STK10: variants seen among roughly 807,000 people sequenced by gnomAD.
The protein encoded by STK10 is serine/threonine-protein kinase 10.
A neutral mutation model predicts 113.8 loss-of-function variants in STK10; 78 were observed. That is an observed-to-expected ratio of 0.69 (90% CI 0.57 to 0.83). The LOEUF is 0.83. Among genes scored for constraint, STK10 ranks in the 40% least tolerant of loss-of-function variants. The probability of loss-of-function intolerance (pLI) is 0.00; values close to 1 mark genes in which losing one functional copy is unlikely to be tolerated. For synonymous variants in STK10, 465 were observed against 494.7 expected, an observed-to-expected ratio of 0.94 and a Z score of 0.80; for missense variants, 1,109 against 1,280.1, an observed-to-expected ratio of 0.87 and a Z score of 2.04.
chr5:172,159,797 T>G (rs13167250), intron 1 of STK10, among the ~76,000 whole-genome samples: 35,400 of 150,504 alleles, frequency 0.24, 4,440 homozygotes, highest in East Asian at 0.32. Flanking sequence ...CATCCCAGAC[T>G]AGAAAACAAA....
chr5:172,171,669 C>T (rs535540823), intron 1 of STK10, among the ~76,000 whole-genome samples: 6 of 140,126 alleles, frequency 4.3e-5, no homozygotes, highest in East Asian at 2.0e-4. Context: ...AAGCCAAGAT[C>T]GCGTTACTGC....
chr5:172,086,174 A>G (rs1402927851), intron 10 of STK10, among the ~76,000 whole-genome samples: 2 of 152,184 alleles, frequency 1.3e-5, no homozygotes, highest in African/African-American at 4.8e-5. Context: ...TAAAGTGCCC[A>G]CGTGGCACAT....
chr5:172,055,830 G>A (rs567598583), intron 15 of STK10, 54 bp from the exon 16 acceptor site: 94 of 1,371,600 alleles, frequency 6.9e-5, no homozygotes, highest in Non-Finnish European at 7.1e-5. Context: ...GACTCAGAGC[G>A]TGGTCACAGG....
At chr5:172,099,805 C>T (rs1768941903) in intron 7 of STK10, among the ~76,000 whole-genome samples, 1 of 152,250 alleles carries the variant, frequency 6.6e-6, no homozygotes, top group South Asian at 2.1e-4. Flanking sequence ...AATAAATAAA[C>T]ACAGGCAGGG....
Position 172,044,842 on chromosome 5 carries a change from T to C in STK10, c.*40A>G. On this transcript the variant is annotated 3_prime_UTR_variant, in exon 19 of 19. Transcript: ENST00000176763. This position sits in a 1 kb window ranked among gnomAD's most constrained non-coding sequence, Gnocchi z 4.5. ...TCACAGAGAATGAAGGAGAAGGCCCTGGGGCCCACCAAGCTGCCAGCCACA... is the reference window on the plus strand; with the variant it reads ...TCACAGAGAATGAAGGAGAAGGCCCCGGGGCCCACCAAGCTGCCAGCCACA... 6.2e-7 allele frequency: 1 copy of C among 1,613,840 alleles called. No homozygotes were observed. Among genetic ancestry groups the C allele is most frequent in the South Asian group, 1.1e-5 (1 of 91,076 alleles).
At chr5:172,170,001 T>C (rs550617090) in intron 1 of STK10, among the ~76,000 whole-genome samples, 3 of 152,312 alleles carry the variant, frequency 2.0e-5, no homozygotes, top group South Asian at 2.1e-4. Context: ...CAGTTGACTA[T>C]TGGTTGTTAC....
At chr5:172,135,776 C>T (rs923266464) in intron 2 of STK10, among the ~76,000 whole-genome samples, 6 of 152,178 alleles carry the variant, frequency 3.9e-5, no homozygotes, top group Non-Finnish European at 8.8e-5. Context: ...CGTTGGCTCA[C>T]GCCTATAATC....
At position 172,185,233 on chromosome 5, in the gene STK10, C is replaced by A. The variant is rs55701049; in HGVS notation, c.156+2654G>T. On this transcript the variant is annotated intron_variant, in intron 1 of 18. Coordinates refer to ENST00000176763, the MANE Select transcript of STK10 (RefSeq NM_005990.4). ...AAGGGGACAAGAATGCAATTGAAAG[C>A]CCCTAACGGAGAAAAAAAAAAGCCC... Among the ~76,000 whole-genome samples, 1,294 of 152,014 alleles carry A rather than the reference C, an allele frequency of 8.5e-3. 9 individuals are homozygous for A. The highest frequency in any genetic ancestry group is 0.014 in the Non-Finnish European group (921 of 67,974).
intron 2 of STK10, among the ~76,000 whole-genome samples, chr5:172,151,020 C>G (rs1770217542): frequency 6.6e-6 from 1 of 152,222 alleles, no homozygotes; most frequent in Non-Finnish European, 1.5e-5. Flanking sequence ...TGCATATCTA[C>G]CATGGACAGA....
At chr5:172,101,465 G>A (rs958941248) in intron 7 of STK10, among the ~76,000 whole-genome samples, 15 of 137,280 alleles carry the variant, frequency 1.1e-4, no homozygotes, top group African/African-American at 3.9e-4. Context: ...GCGAGACTCC[G>A]TCTCCAAAAA....
chr5:172,053,686 C>G (rs1371655956), intron 17 of STK10, among the ~76,000 whole-genome samples: 1 of 152,218 alleles, frequency 6.6e-6, no homozygotes, highest in Non-Finnish European at 1.5e-5. Context: ...GGGGGAAGTG[C>G]CTTTATCCAG....
Position 172,106,963 on chromosome 5 carries a change from T to A in STK10, c.594-149A>T. The A allele has an allele frequency of 7.1e-6, 5 of 707,872 alleles. No individual in the cohort carries two copies. In the South Asian group the frequency reaches 1.0e-4, roughly 15 times the overall value. 43.8% of individuals were successfully genotyped at this position (707,872 alleles called of 1,614,324 possible). A position where few individuals can be genotyped will look rare whatever the true frequency, so the allele number is the denominator to read the frequency against. On this transcript the variant is annotated intron_variant, in intron 5 of 18. Coordinates refer to ENST00000176763, the MANE Select transcript of STK10 (RefSeq NM_005990.4). The stretch of plus-strand genomic sequence containing the variant: ...TGCGTGACTTTGCATCCCACTGTCT[T>A]CCTTAGGACGCTCTTCCACAGAAAA...
At chr5:172,051,534 A>G (rs1581130150) in intron 18 of STK10, among the ~76,000 whole-genome samples, 1 of 152,214 alleles carries the variant, frequency 6.6e-6, no homozygotes, top group African/African-American at 2.4e-5. Context: ...TTGAGGCAGG[A>G]AAATCATTTG....
intron 12 of STK10, among the ~76,000 whole-genome samples, chr5:172,074,756 C>T (rs951141542): frequency 4.6e-5 from 7 of 152,178 alleles, no homozygotes; most frequent in South Asian, 2.1e-4. Flanking sequence ...CGTTGGCTCA[C>T]AACAGTAATC....
intron 13 of STK10, among the ~76,000 whole-genome samples, chr5:172,061,972 T>C (rs1767946526): frequency 6.6e-6 from 1 of 151,208 alleles, no homozygotes. Context: ...CCATGTTACT[T>C]TTCTTTTTTC....
At position 172,093,874 on chromosome 5, in the gene STK10, G is replaced by A. The variant is rs1768785758; in HGVS notation, c.1092C>T (p.Thr364=). The change falls in exon 9 of 19, where the codon ACC becomes ACT. Residue 364 remains threonine (T), a synonymous_variant. Coordinates refer to ENST00000176763, the MANE Select transcript of STK10 (RefSeq NM_005990.4). This position sits in a 1 kb window ranked among gnomAD's most constrained non-coding sequence, Gnocchi z 4.1. ...CCTGAGACTGGCTGGGTGCCAGCGG[G>A]GTGGAAGGTGACTCCTCGAGAGGCT... is the stretch of plus-strand genomic sequence containing the variant. ...ADKPLEESPS[T]PLAPSQSQDS... 1.3e-6 allele frequency: 2 copies of A among 1,569,282 alleles called. No homozygotes were observed. Among genetic ancestry groups the A allele is most frequent in the Non-Finnish European group, 8.7e-7 (1 of 1,153,978 alleles).
Position 172,062,953 on chromosome 5 carries a change from A to T in STK10, c.2083-1685T>A, listed in dbSNP as rs185907583. Among the ~76,000 whole-genome samples the T allele has an allele frequency of 2.7e-3, 404 of 152,356 alleles. 2 individuals are homozygous for T. The highest frequency in any genetic ancestry group is 4.4e-3 in the Admixed American group (68 of 15,300). On this transcript the variant is annotated intron_variant, in intron 13 of 18. Coordinates refer to ENST00000176763, the MANE Select transcript of STK10 (RefSeq NM_005990.4). ...TTATTTTAAGAAATCTTTCCATGTT[A>T]TAATGTGATCTTCTGGCCAGGTGCA...
At chr5:172,110,339 A>C (rs1197815795) in intron 4 of STK10, among the ~76,000 whole-genome samples, 1 of 152,180 alleles carries the variant, frequency 6.6e-6, no homozygotes, top group Non-Finnish European at 1.5e-5. Context: ...CACTAACTGC[A>C]CATCTATTAT....
chr5:172,169,385 C>G (rs1224343255), intron 1 of STK10, among the ~76,000 whole-genome samples: 1 of 151,734 alleles, frequency 6.6e-6, no homozygotes, highest in African/African-American at 2.4e-5. Context: ...GGTGGGCAGA[C>G]AAGCACATGG....
Sources: gnomAD v4.1 joint callset for allele counts (sites outside exome capture counted in the v4.1 genomes callset) on GRCh38, gnomAD v4.1.1 for gene constraint, Gnocchi (gnomAD v3.1) non-coding constraint, MANE v1.5 for transcripts, NCBI Gene and HGNC (gene_info 2026-07-23, HGNC 2026-07-21) for gene names.